The following PIGR variants were observed in gnomAD, a reference collection of about 807,000 sequenced individuals.
PIGR encodes the protein hepatocellular carcinoma associated protein TB6.
Under a neutral mutation model 69.5 loss-of-function variants are expected in PIGR, and 22 were observed. That is an observed-to-expected ratio of 0.32 (90% confidence interval 0.23 to 0.45). PIGR has a LOEUF of 0.45. Among genes scored for constraint, PIGR ranks in the 20% least tolerant of loss-of-function variants. The pLI is 1.00. For synonymous variants in PIGR, 413 were observed against 407.6 expected, an observed-to-expected ratio of 1.01 and a Z score of -0.16; for missense variants, 885 against 974.0, an observed-to-expected ratio of 0.91 and a Z score of 1.22.
intron 1 of PIGR, among the ~76,000 whole-genome samples, chr1:206,942,780 G>A (rs2102604296): frequency 6.6e-6 from 1 of 152,296 alleles, no homozygotes; most frequent in Non-Finnish European, 1.5e-5. Flanking sequence ...GGACATGTGT[G>A]TGCACCCATT....
At position 206,937,595 on chromosome 1, in the gene PIGR, TAACC is replaced by T. The variant is rs1217727461; in HGVS notation, c.541_544del (p.Gly181MetfsTer2). The stretch of plus-strand genomic sequence containing the variant: ...TCTTCCTGTATAGTTGGGATTTACA[TAACC>T]ACTGGAGTCGATGACCAGCACAGGG... On this transcript the variant is annotated frameshift_variant, in exon 4 of 11. Coordinates refer to ENST00000356495, the MANE Select transcript of PIGR (RefSeq NM_002644.4). LOFTEE classifies it high-confidence loss of function. The T allele has an allele frequency of 6.2e-7, 1 of 1,613,928 alleles. No homozygotes were observed. The highest frequency in any genetic ancestry group is 8.5e-7 in the Non-Finnish European group (1 of 1,179,976).
chr1:206,935,489 C>T lies in PIGR; in HGVS notation c.1375G>A (p.Glu459Lys), dbSNP rs765689852. The change falls in exon 5 of 11, where the codon GAA becomes AAA. Residue 459 changes from glutamate (E) to lysine (K), a missense_variant. Coordinates refer to ENST00000356495, the MANE Select transcript of PIGR (RefSeq NM_002644.4). This position sits in a 1 kb window ranked among gnomAD's most constrained non-coding sequence, Gnocchi z 4.4. Reference sequence around the variant, plus strand: ...CTCCCTCCCTGTCAACTCCTACCTTCGATAATCTTGATCTCCACGGTGGTC... The same window carrying T: ...CTCCCTCCCTGTCAACTCCTACCTTTGATAATCTTGATCTCCACGGTGGTC... ...WRTTVEIKIIEGEPNLKVPGN... is the reference protein window; with the variant it reads ...WRTTVEIKIIKGEPNLKVPGN... 19 of 1,605,718 alleles carry T rather than the reference C, an allele frequency of 1.2e-5. No homozygotes were observed. The East Asian group carries it at 2.9e-4, about 25-fold the overall frequency.
intron 1 of PIGR, among the ~76,000 whole-genome samples, chr1:206,943,155 TGGGCAC>T (rs1263239482): frequency 6.6e-6 from 1 of 152,190 alleles, no homozygotes; most frequent in African/African-American, 2.4e-5. Flanking sequence ...AACATAATGT[TGGGCAC>T]CTGCTACGTG....
chr1:206,931,918 G>T, intron 8 of PIGR, 116 bp from the exon 9 acceptor site: 1 of 1,152,716 alleles, frequency 8.7e-7, no homozygotes, highest in Non-Finnish European at 1.3e-6. Flanking sequence ...CTGAGGTGGT[G>T]CAGCTCTGAC....
intron 1 of PIGR, among the ~76,000 whole-genome samples, chr1:206,942,599 G>C (rs1302459410): frequency 2.0e-5 from 3 of 152,224 alleles, no homozygotes; most frequent in Non-Finnish European, 4.4e-5. Context: ...GCGTGAGACA[G>C]GAGTGGTCTT....
At chr1:206,937,884 A>G (rs1323435921) in intron 3 of PIGR, 133 bp from the exon 4 acceptor site, 3 of 769,892 alleles carry the variant, frequency 3.9e-6, no homozygotes, top group Non-Finnish European at 6.2e-6. Context: ...TCCCAGAGGA[A>G]TGCTGTCGGA....
At chr1:206,937,027 G>A in intron 4 of PIGR, 68 bp downstream of exon 4, 1 of 1,396,936 alleles carries the variant, frequency 7.2e-7, no homozygotes. Context: ...TACACTCAGA[G>A]GGAGCTGAGC....
intron 8 of PIGR, 24 bp downstream of exon 8, chr1:206,932,432 G>A (rs1370673384): frequency 6.3e-7 from 1 of 1,596,214 alleles, no homozygotes; most frequent in South Asian, 1.1e-5. Flanking sequence ...GAGGTGGGAG[G>A]CAGGGAGTAT....
chr1:206,937,859 C>A lies in PIGR; in HGVS notation c.389-108G>T, dbSNP rs577548155. 3 of 946,328 alleles carry A rather than the reference C, an allele frequency of 3.2e-6. No individual in the cohort carries two copies. In the South Asian group the frequency reaches 5.1e-5, roughly 16 times the overall value. The allele number at this position is 946,328 out of a possible 1,614,324, so 58.6% of individuals were successfully genotyped here. ...GTTAGGGTGTGGGTGGACTTATAAC[C>A]TGGAATGCCCTCCTTCCCAGAGGAA... On this transcript the variant is annotated intron_variant, in intron 3 of 10. Transcript: ENST00000356495.
Position 206,928,796 on chromosome 1 carries a change from C to T in PIGR, c.*1522G>A, listed in dbSNP as rs576688526. 15 of 152,730 alleles carry T rather than the reference C, an allele frequency of 9.8e-5. No homozygotes were observed. Among genetic ancestry groups the T allele is most frequent in the East Asian group, 5.8e-4 (3 of 5,156 alleles). 9.5% of individuals were successfully genotyped at this position (152,730 alleles called of 1,614,324 possible). On this transcript the variant is annotated 3_prime_UTR_variant, in exon 11 of 11. Transcript: ENST00000356495. ...ATGGTGCGGCCTGGGAAAGATCTCC[C>T]TCCTTTACATTTTCTCTTCTCCCTC... is the stretch of plus-strand genomic sequence containing the variant.
At chr1:206,931,213 T>C in intron 10 of PIGR, 1 of 985,460 alleles carries the variant, frequency 1.0e-6, no homozygotes, top group Non-Finnish European at 1.2e-6. Flanking sequence ...TTCCCATCTT[T>C]TATGCACCTG....
intron 2 of PIGR, among the ~76,000 whole-genome samples, chr1:206,940,051 C>T (rs1488469521): frequency 1.3e-5 from 2 of 152,200 alleles, no homozygotes; most frequent in Non-Finnish European, 2.9e-5. Context: ...ACACCACTTT[C>T]GTAAGGTGTT....
intron 10 of PIGR, 157 bp downstream of exon 10, chr1:206,931,340 T>C (rs1253016589): frequency 2.0e-6 from 3 of 1,517,484 alleles, no homozygotes; most frequent in Non-Finnish European, 2.6e-6. Flanking sequence ...ATATAGTTCT[T>C]CCTCAAAAAG....
intron 1 of PIGR, among the ~76,000 whole-genome samples, chr1:206,941,464 C>T (rs900156691): frequency 2.6e-5 from 4 of 152,184 alleles, no homozygotes; most frequent in Non-Finnish European, 5.9e-5. Flanking sequence ...TTCATTTGAG[C>T]TTTATATGTT....
intron 10 of PIGR, 55 bp downstream of exon 10, chr1:206,931,442 T>C: frequency 6.2e-7 from 1 of 1,613,754 alleles, no homozygotes; most frequent in Admixed American, 1.7e-5. Context: ...TCTAACTGCA[T>C]CCCCTCATGC....
chr1:206,930,529 C>T lies in PIGR; in HGVS notation c.2200-116G>A, dbSNP rs1472882778. 7.2e-7 allele frequency: 1 copy of T among 1,393,394 alleles called. No individual in the cohort carries two copies. The highest frequency in any genetic ancestry group is 9.3e-7 in the Non-Finnish European group (1 of 1,070,282). 86.3% of individuals were successfully genotyped at this position (1,393,394 alleles called of 1,614,324 possible). A position where few individuals can be genotyped will look rare whatever the true frequency, so the allele number is the denominator to read the frequency against. Reference sequence around the variant, plus strand: ...TGATCTTGGTCCAAGCAACACAAGCCTTTGGGGCCCACTGTTCTCATCCCA... The same window carrying T: ...TGATCTTGGTCCAAGCAACACAAGCTTTTGGGGCCCACTGTTCTCATCCCA... On this transcript the variant is annotated intron_variant, in intron 10 of 10. Coordinates refer to ENST00000356495, the MANE Select transcript of PIGR (RefSeq NM_002644.4). This position sits in a 1 kb window ranked among gnomAD's most constrained non-coding sequence, Gnocchi z 4.3.
intron 1 of PIGR, among the ~76,000 whole-genome samples, chr1:206,944,418 A>C (rs1253962048): frequency 6.6e-6 from 1 of 152,174 alleles, no homozygotes; most frequent in African/African-American, 2.4e-5. Context: ...GGTTGCAGTA[A>C]GCCAAGATCA....
intron 1 of PIGR, among the ~76,000 whole-genome samples, chr1:206,945,545 C>T (rs115416249): frequency 0.013 from 2,055 of 152,302 alleles, 50 homozygotes; most frequent in African/African-American, 0.046. Flanking sequence ...TCAGTGATCC[C>T]GTGAGGACCT....
At chr1:206,940,467 A>C (rs1194867554) in intron 2 of PIGR, 22 bp downstream of exon 2, 2 of 1,550,764 alleles carry the variant, frequency 1.3e-6, no homozygotes, top group Admixed American at 2.0e-5. Flanking sequence ...GAGCTTGGAG[A>C]GTTGGGGCCT....
Sources: gnomAD v4.1 joint callset for allele counts (sites outside exome capture counted in the v4.1 genomes callset) on GRCh38, gnomAD v4.1.1 for gene constraint, Gnocchi (gnomAD v3.1) non-coding constraint, MANE v1.5 for transcripts, NCBI Gene and HGNC (gene_info 2026-07-23, HGNC 2026-07-21) for gene names.